The following FAM20A variants were observed in gnomAD, a reference collection of about 807,000 sequenced individuals.
FAM20A encodes the protein FAM20A golgi associated secretory pathway pseudokinase, also known as pseudokinase FAM20A.
Under a neutral mutation model 52.0 loss-of-function variants are expected in FAM20A, and 42 were observed. The observed-to-expected ratio is 0.81, with a 90% CI of 0.63 to 1.04. FAM20A has a LOEUF of 1.04. Among genes scored for constraint, FAM20A ranks in the 50% least tolerant of loss-of-function variants. The probability of loss-of-function intolerance (pLI) is 0.00; values close to 1 mark genes in which losing one functional copy is unlikely to be tolerated. For missense variants in FAM20A, 742 were observed against 712.7 expected, an observed-to-expected ratio of 1.04 and a Z score of -0.47; for synonymous variants, 304 against 298.9, an observed-to-expected ratio of 1.02 and a Z score of -0.18.
intron 1 of FAM20A, among the ~76,000 whole-genome samples, chr17:68,584,821 C>G (rs2088122779): frequency 6.6e-6 from 1 of 152,226 alleles, no homozygotes; most frequent in South Asian, 2.1e-4. Context: ...CCTAGCTCAT[C>G]ATATTTGGCT....
intron 1 of FAM20A, among the ~76,000 whole-genome samples, chr17:68,593,127 A>G (rs897461801): frequency 6.6e-6 from 1 of 152,234 alleles, no homozygotes; most frequent in Non-Finnish European, 1.5e-5. Flanking sequence ...GTGCCTGCCT[A>G]TAATAACAGG....
intron 1 of FAM20A, among the ~76,000 whole-genome samples, chr17:68,585,945 ATCTGCCT>A (rs1352852181): frequency 6.6e-6 from 1 of 152,238 alleles, no homozygotes; most frequent in Non-Finnish European, 1.5e-5. Flanking sequence ...GAAGGTATTC[ATCTGCCT>A]AGTCACTACC....
chr17:68,546,781 G>C (rs2086590065), intron 4 of FAM20A, among the ~76,000 whole-genome samples: 1 of 142,642 alleles, frequency 7.0e-6, no homozygotes, highest in East Asian at 2.1e-4. Flanking sequence ...AGTGAGCTGA[G>C]ATTGAGCCAC....
chr17:68,558,639 C>T (rs191449451), intron 1 of FAM20A, among the ~76,000 whole-genome samples: 90 of 152,328 alleles, frequency 5.9e-4, no homozygotes, highest in Middle Eastern at 3.4e-3. Flanking sequence ...AAGCAGCATG[C>T]TTCCTGTACA....
chr17:68,541,583 G>T (rs1453481753), intron 7 of FAM20A: 1 of 196,180 alleles, frequency 5.1e-6, no homozygotes, highest in Admixed American at 5.3e-5. Context: ...CAGCAGTGAG[G>T]TCCTTGGTCT....
intron 1 of FAM20A, among the ~76,000 whole-genome samples, chr17:68,567,608 C>T (rs1488495172): frequency 6.6e-6 from 1 of 151,948 alleles, no homozygotes; most frequent in Non-Finnish European, 1.5e-5. Flanking sequence ...AAGTCCTAGT[C>T]TTGGTCTAAT....
intron 1 of FAM20A, among the ~76,000 whole-genome samples, chr17:68,570,942 A>G (rs929577527): frequency 2.0e-5 from 3 of 152,198 alleles, no homozygotes; most frequent in African/African-American, 7.2e-5. Flanking sequence ...GAACCCCTGT[A>G]CATTTCCTGG....
In FAM20A at chr17:68,600,649, C is replaced by T. The variant is rs75228334; in HGVS notation, c.18G>A (p.Arg6=). The part of the protein sequence containing the change: MPGLR[R]DRLLTLLLLG... Reference sequence around the variant, plus strand: ...GCAGCAGCAGAGTCAGTAGGCGGTCCCGGCGCAGCCCCGGCATGGCGTGCT... The same window carrying T: ...GCAGCAGCAGAGTCAGTAGGCGGTCTCGGCGCAGCCCCGGCATGGCGTGCT... Residue 6 remains arginine (R), a synonymous_variant, in exon 1 of 11, where the codon CGG becomes CGA. Coordinates refer to ENST00000592554, the MANE Select transcript of FAM20A (RefSeq NM_017565.4). This position sits in a 1 kb window ranked among gnomAD's most constrained non-coding sequence, Gnocchi z 6.2. The T allele has an allele frequency of 2.3e-3, 3,621 of 1,550,086 alleles. 55 individuals carry two copies. In the African/African-American group the frequency reaches 0.038, roughly 16 times the overall value.
At position 68,535,782 on chromosome 17, in the gene FAM20A, TACAGGTGTGAGCCCA is replaced by T. The variant is rs1281696703; in HGVS notation, c.*1680_*1694del. ...CTGTTTAGGCCCAAAGTGCTGGGAT[TACAGGTGTGAGCCCA>T]TGCCCAGCTGATTTTTTTTTTAAGC... On this transcript the variant is annotated 3_prime_UTR_variant, in exon 11 of 11. Transcript: ENST00000592554. 1.3e-5 allele frequency: 6 copies of T among 453,996 alleles called. No homozygotes were observed. The highest frequency in any genetic ancestry group is 1.8e-5 in the Non-Finnish European group (4 of 226,754). The allele number at this position is 453,996 out of a possible 1,614,324, so 28.1% of individuals were successfully genotyped here. A position where few individuals can be genotyped will look rare whatever the true frequency, so the allele number is the denominator to read the frequency against.
chr17:68,544,802 A>C (rs1398929910), intron 4 of FAM20A, among the ~76,000 whole-genome samples: 1 of 152,170 alleles, frequency 6.6e-6, no homozygotes, highest in Non-Finnish European at 1.5e-5. Flanking sequence ...GTCTCATTTT[A>C]ATTCCTGAGT....
chr17:68,542,663 A>G (rs776260344), intron 6 of FAM20A, 31 bp downstream of exon 6: 57 of 1,548,462 alleles, frequency 3.7e-5, no homozygotes, highest in Non-Finnish European at 4.9e-5. Flanking sequence ...ATCTACTCAG[A>G]CCCGGAATAT....
At chr17:68,544,074 T>A (rs1289548157) in intron 4 of FAM20A, among the ~76,000 whole-genome samples, 1 of 152,150 alleles carries the variant, frequency 6.6e-6, no homozygotes, top group Admixed American at 6.5e-5. Context: ...AGGGGAATGG[T>A]TAGCAGAACC....
At chr17:68,551,688 A>ATT (rs2086841484) in intron 4 of FAM20A, among the ~76,000 whole-genome samples, 185 bp downstream of exon 4, 1 of 134,858 alleles carries the variant, frequency 7.4e-6, no homozygotes, top group Non-Finnish European at 1.6e-5. Context: ...TAGTATTTTC[A>ATT]ATTATTATTA....
chr17:68,568,918 G>A (rs1020551203), intron 1 of FAM20A, among the ~76,000 whole-genome samples: 1 of 151,814 alleles, frequency 6.6e-6, no homozygotes, highest in East Asian at 1.9e-4. Flanking sequence ...GTGGGAGCAG[G>A]GGTGGGGAGT....
intron 1 of FAM20A, among the ~76,000 whole-genome samples, chr17:68,581,407 T>TTTCTTTCTTTC (rs2087970846): frequency 1.4e-5 from 2 of 147,500 alleles, no homozygotes; most frequent in Non-Finnish European, 1.5e-5. Context: ...TCTTTCTTTC[T>TTTCTTTCTTTC]TTCTTTCTTT....
intron 3 of FAM20A, among the ~76,000 whole-genome samples, chr17:68,554,332 A>T (rs1012929902): frequency 3.3e-5 from 5 of 152,092 alleles, no homozygotes; most frequent in African/African-American, 1.2e-4. Flanking sequence ...AACTCCTGAC[A>T]TCAAGTGATC....
At chr17:68,544,124 G>A (rs76046512) in intron 4 of FAM20A, among the ~76,000 whole-genome samples, 1,783 of 152,296 alleles carry the variant, frequency 0.012, 13 homozygotes, top group Non-Finnish European at 0.017. Flanking sequence ...ATGAAGAAAG[G>A]TGGGGTATGA....
chr17:68,574,416 T>A (rs921443037), intron 1 of FAM20A, among the ~76,000 whole-genome samples: 11 of 152,128 alleles, frequency 7.2e-5, no homozygotes, highest in Non-Finnish European at 1.5e-4. Flanking sequence ...ACTCCCACGA[T>A]AACCCGTTAA....
chr17:68,573,186 C>T (rs1489312111), intron 1 of FAM20A, among the ~76,000 whole-genome samples: 5 of 152,172 alleles, frequency 3.3e-5, no homozygotes, highest in African/African-American at 1.2e-4. Context: ...AGAGGCAGAT[C>T]CCTCATCCCG....
Sources: allele counts gnomAD v4.1 joint callset (sites outside exome capture counted in the v4.1 genomes callset), GRCh38; gene constraint gnomAD v4.1.1; non-coding constraint Gnocchi (gnomAD v3.1); transcripts MANE v1.5; gene names NCBI Gene and HGNC (gene_info 2026-07-23, HGNC 2026-07-21).